The following ADAMTS19 variants were observed in gnomAD, a reference collection of about 807,000 sequenced individuals.
The protein encoded by ADAMTS19 is ADAM metallopeptidase with thrombospondin type 1 motif 19, also known as A disintegrin and metalloproteinase with thrombospondin motifs 19.
ADAMTS19 carries 93 observed loss-of-function variants against 153.3 expected under a neutral mutation model. The ratio of observed to expected loss-of-function variants is 0.61; its 90% confidence interval spans 0.51 to 0.72. ADAMTS19 has a LOEUF of 0.72. ADAMTS19 is among the 30% of genes least tolerant of loss of function. The probability of loss-of-function intolerance (pLI) is 0.00; values close to 1 mark genes in which losing one functional copy is unlikely to be tolerated. For missense variants in ADAMTS19, 1,482 were observed against 1,552.1 expected (o/e 0.95, Z 0.76); for synonymous variants, 600 against 556.6 (o/e 1.08, Z -1.10).
chr5:129,618,516 CA>C (rs2126971782), intron 8 of ADAMTS19, among the ~76,000 whole-genome samples: 1 of 151,958 alleles, frequency 6.6e-6, no homozygotes, highest in South Asian at 2.1e-4. Flanking sequence ...CTTCTTCCTT[CA>C]AAAACATATT....
intron 6 of ADAMTS19, among the ~76,000 whole-genome samples, chr5:129,532,495 A>T (rs1200901148): frequency 6.6e-6 from 1 of 152,164 alleles, no homozygotes; most frequent in African/African-American, 2.4e-5. Context: ...TGTTGGTGGG[A>T]TTATAAAATG....
At chr5:129,732,925 A>G (rs1293309728) in intron 21 of ADAMTS19, among the ~76,000 whole-genome samples, 2 of 152,136 alleles carry the variant, frequency 1.3e-5, no homozygotes, top group Non-Finnish European at 2.9e-5. Flanking sequence ...AGGCTATAGT[A>G]ACGAAAATAG....
In ADAMTS19 at chr5:129,735,033, T is replaced by A. The variant is rs1371812780; in HGVS notation, c.3414T>A (p.Pro1138=). The change falls in exon 22 of 23, where the codon CCT becomes CCA. Residue 1138 remains proline (P), a synonymous_variant. Coordinates refer to ENST00000274487, the MANE Select transcript of ADAMTS19 (RefSeq NM_133638.6). ...ATGAATGTTTTTCCTCAGAAAAACCTGCAGCATACAGGCCATGCCATCTTC... is the reference window on the plus strand; with the variant it reads ...ATGAATGTTTTTCCTCAGAAAAACCAGCAGCATACAGGCCATGCCATCTTC... ...HGNECFSSEK[P]AAYRPCHLQP... is the part of the protein sequence containing the mutation. 1.2e-6 allele frequency: 2 copies of A among 1,612,378 alleles called. No individual in the cohort carries two copies. The highest frequency in any genetic ancestry group is 1.7e-6 in the Non-Finnish European group (2 of 1,179,014).
rs1751815557 is a variant in ADAMTS19, at chr5:129,622,316, G to T, written c.1738G>T (p.Gly580Trp). The change falls in exon 10 of 23, where the codon GGG becomes TGG. Residue 580 changes from glycine to tryptophan, a missense_variant. Coordinates refer to ENST00000274487, the MANE Select transcript of ADAMTS19 (RefSeq NM_133638.6). ...TGATGAACAATGCCAGATCCTTTTTGGGCCATTGGCTTCTTTTTGTCAGGA... is the reference window on the plus strand; with the variant it reads ...TGATGAACAATGCCAGATCCTTTTTTGGCCATTGGCTTCTTTTTGTCAGGA... ...TADEQCQILF[G>W]PLASFCQEMQ... 1 of 1,613,818 alleles carries T rather than the reference G, an allele frequency of 6.2e-7. No individual in the cohort carries two copies. The highest frequency in any genetic ancestry group is 1.1e-5 in the South Asian group (1 of 91,078).
chr5:129,485,782 A>G (rs1750568884), intron 2 of ADAMTS19, among the ~76,000 whole-genome samples: 1 of 152,082 alleles, frequency 6.6e-6, no homozygotes, highest in African/African-American at 2.4e-5. Context: ...CTCTAATTGA[A>G]TGTGTTCATT....
intron 2 of ADAMTS19, among the ~76,000 whole-genome samples, chr5:129,498,017 G>C (rs1268644981): frequency 6.6e-6 from 1 of 152,022 alleles, no homozygotes; most frequent in Non-Finnish European, 1.5e-5. Flanking sequence ...TTAGGGTCTT[G>C]AGAGCTCTAC....
At chr5:129,489,097 C>A (rs896035730) in intron 2 of ADAMTS19, among the ~76,000 whole-genome samples, 1 of 151,938 alleles carries the variant, frequency 6.6e-6, no homozygotes, top group African/African-American at 2.4e-5. Context: ...CCTGAGATTG[C>A]TTGTTTTTAT....
intron 21 of ADAMTS19, among the ~76,000 whole-genome samples, chr5:129,706,436 G>A (rs370551436): frequency 4.7e-4 from 72 of 152,204 alleles, no homozygotes; most frequent in African/African-American, 1.7e-3. Context: ...GGGCATGGTA[G>A]TGTATGCCTG....
At chr5:129,560,950 CT>C (rs1753490441) in intron 7 of ADAMTS19, among the ~76,000 whole-genome samples, 1 of 152,034 alleles carries the variant, frequency 6.6e-6, no homozygotes. Flanking sequence ...CTTTGTACTC[CT>C]TTACATTCTT....
In ADAMTS19 at chr5:129,526,452, A is replaced by G. The variant is rs1281790085; in HGVS notation, c.1082A>G (p.Asn361Ser). The change falls in exon 4 of 23, where the codon AAT becomes AGT. Residue 361 changes from asparagine to serine, a missense_variant. This residue lies in a region of ADAMTS19 where 866 missense variants were observed against 827.7 expected (regional missense o/e 1.05). Transcript: ENST00000274487. ...AGGAGATTCATTCTAACCATCTTAA[A>G]TATGGTAGGCAAACTTTAAAGTGCG... Reference protein sequence around the residue: ...AARRFILTILNMVFNLFQHKS... With the variant: ...AARRFILTILSMVFNLFQHKS... 1 of 1,589,810 alleles carries G rather than the reference A, an allele frequency of 6.3e-7. No individual in the cohort carries two copies. Among genetic ancestry groups the G allele is most frequent in the Non-Finnish European group, 8.5e-7 (1 of 1,171,554 alleles).
At chr5:129,728,823 A>T (rs2127215147) in intron 21 of ADAMTS19, among the ~76,000 whole-genome samples, 1 of 152,300 alleles carries the variant, frequency 6.6e-6, no homozygotes, top group Non-Finnish European at 1.5e-5. Context: ...ACAAAGGACC[A>T]TGAACATAAT....
chr5:129,563,925 A>T (rs1479856086), intron 7 of ADAMTS19, among the ~76,000 whole-genome samples: 1 of 150,348 alleles, frequency 6.7e-6, no homozygotes, highest in South Asian at 2.1e-4. Flanking sequence ...ACCAGGTGAA[A>T]CTTTTTTTTT....
intron 2 of ADAMTS19, among the ~76,000 whole-genome samples, chr5:129,501,430 G>A (rs899527967): frequency 4.6e-5 from 7 of 152,074 alleles, no homozygotes; most frequent in African/African-American, 1.4e-4. Flanking sequence ...GCTTTGGGAG[G>A]GATGGGGCCT....
intron 7 of ADAMTS19, among the ~76,000 whole-genome samples, chr5:129,590,521 T>C (rs916855108): frequency 1.3e-5 from 2 of 152,230 alleles, no homozygotes; most frequent in African/African-American, 4.8e-5. Context: ...TTTTTCTTAG[T>C]ATTCATAAAA....
chr5:129,564,929 C>CAT (rs778276015), intron 7 of ADAMTS19, among the ~76,000 whole-genome samples: 1 of 152,010 alleles, frequency 6.6e-6, no homozygotes, highest in Non-Finnish European at 1.5e-5. Context: ...ATAAGGTAAA[C>CAT]ATATATTTTG....
At chr5:129,628,017 C>A (rs1211980358) in intron 10 of ADAMTS19, among the ~76,000 whole-genome samples, 1 of 152,088 alleles carries the variant, frequency 6.6e-6, no homozygotes, top group Non-Finnish European at 1.5e-5. Flanking sequence ...TTCACTGCAG[C>A]ACTGTTCACA....
chr5:129,664,544 G>A (rs1318963066), intron 15 of ADAMTS19, among the ~76,000 whole-genome samples: 1 of 151,920 alleles, frequency 6.6e-6, no homozygotes, highest in Non-Finnish European at 1.5e-5. Context: ...ACTACCACCA[G>A]GGGGGGTATA....
At chr5:129,615,072 G>C (rs902061704) in intron 8 of ADAMTS19, among the ~76,000 whole-genome samples, 2 of 96,232 alleles carry the variant, frequency 2.1e-5, no homozygotes, top group African/African-American at 5.7e-5. Context: ...CCATGCTCAT[G>C]GATAGGAAGA....
chr5:129,468,797 G>T (rs1346753016), intron 2 of ADAMTS19, among the ~76,000 whole-genome samples: 1 of 151,666 alleles, frequency 6.6e-6, no homozygotes. Flanking sequence ...TTATTTTAAT[G>T]ATGGATTCTT....
Sources: allele counts gnomAD v4.1 joint callset (sites outside exome capture counted in the v4.1 genomes callset), GRCh38; gene constraint gnomAD v4.1.1; regional missense constraint gnomAD v4.1.1; transcripts MANE v1.5; gene names NCBI Gene and HGNC (gene_info 2026-07-23, HGNC 2026-07-21).